Variants in SERPINA3 observed in about 807,000 individuals in gnomAD.
SERPINA3 encodes the protein alpha-1-antichymotrypsin.
In SERPINA3, 32 loss-of-function variants were observed where a neutral mutation model predicts 26.8. That is an observed-to-expected ratio of 1.20 (90% CI 0.90 to 1.61). The LOEUF (loss-of-function observed/expected upper bound fraction) is 1.61, where lower values mean the gene tolerates loss of function less well. Ranked by LOEUF, SERPINA3 falls within the 40% of genes most tolerant of loss-of-function variation. The probability of loss-of-function intolerance (pLI) is 0.00; values close to 1 mark genes in which losing one functional copy is unlikely to be tolerated. For synonymous variants in SERPINA3, 252 were observed against 206.4 expected (o/e 1.22, Z -1.89); for missense variants, 632 against 517.9 (o/e 1.22, Z -2.14).
At chr14:94,622,171 T>G (rs1389082266) in intron 3 of SERPINA3, among the ~76,000 whole-genome samples, 170 bp from the exon 4 acceptor site, 1 of 152,110 alleles carries the variant, frequency 6.6e-6, no homozygotes, top group Middle Eastern at 3.2e-3. Flanking sequence ...GAATAATTAA[T>G]GAATAAGAAG....
At position 94,613,945 on chromosome 14, in the gene SERPINA3, A is replaced by G. The variant is rs371224882; in HGVS notation, c.-8-489A>G. 70 of 170,028 alleles carry G rather than the reference A, an allele frequency of 4.1e-4. 1 individual carries two copies. In the South Asian group the frequency reaches 5.9e-3, roughly 14 times the overall value. 10.5% of individuals were successfully genotyped at this position (170,028 alleles called of 1,614,324 possible). A position where few individuals can be genotyped will look rare whatever the true frequency, so the allele number is the denominator to read the frequency against. ...GGCTGGGAGAGTCACTGTGGCCTCTATCTCTGCCCAGGGCTCCTTCATCCC... is the reference window on the plus strand; with the variant it reads ...GGCTGGGAGAGTCACTGTGGCCTCTGTCTCTGCCCAGGGCTCCTTCATCCC... On this transcript the variant is annotated intron_variant, in intron 1 of 4. Coordinates refer to ENST00000393078, the MANE Select transcript of SERPINA3 (RefSeq NM_001085.5).
At chr14:94,621,253 G>A (rs189930466) in intron 3 of SERPINA3, among the ~76,000 whole-genome samples, 68 of 152,262 alleles carry the variant, frequency 4.5e-4, no homozygotes, top group South Asian at 2.5e-3. Context: ...GCACCTAATA[G>A]CCACCAGGGA....
Position 94,619,348 on chromosome 14 carries a change from T to A in SERPINA3, c.797T>A (p.Leu266Gln). The A allele has an allele frequency of 6.2e-7, 1 of 1,614,204 alleles. No homozygotes were observed. The highest frequency in any genetic ancestry group is 1.1e-5 in the South Asian group (1 of 91,082). ...DEELSCTVVE[L>Q]KYTGNASALF... ...GAGCTGTCCTGCACCGTGGTGGAGC[T>A]GAAGTACACAGGCAATGCCAGCGCA... is the stretch of plus-strand genomic sequence containing the variant. Residue 266 changes from leucine to glutamine, a missense_variant, in exon 3 of 5, where the codon CTG becomes CAG. Leu to Gln is a moderately radical substitution (Grantham distance 113). Coordinates refer to ENST00000393078, the MANE Select transcript of SERPINA3 (RefSeq NM_001085.5).
rs762126023 is a variant in SERPINA3 at position 94,623,668 on chromosome 14, A to AC, written c.1127dup (p.Ala377SerfsTer59). ...GGAGGGCACAGAAGCATCTGCTGCC[A>AC]CAGCAGTCAAAATCACCCTCCTTTC... On this transcript the variant is annotated frameshift_variant, in exon 5 of 5. Coordinates refer to ENST00000393078, the MANE Select transcript of SERPINA3 (RefSeq NM_001085.5). LOFTEE classifies it low-confidence loss of function (END_TRUNC). The AC allele has an allele frequency of 6.2e-7, 1 of 1,614,192 alleles. No individual in the cohort carries two copies. The highest frequency in any genetic ancestry group is 1.3e-5 in the African/African-American group (1 of 75,050).
chr14:94,621,470 CAG>C (rs1886198863), intron 3 of SERPINA3, among the ~76,000 whole-genome samples: 1 of 152,114 alleles, frequency 6.6e-6, no homozygotes, highest in South Asian at 2.1e-4. Context: ...TCAGGGGACT[CAG>C]AGTTTAATGG....
chr14:94,623,188 A>C (rs1201713948), intron 4 of SERPINA3, among the ~76,000 whole-genome samples: 3 of 152,248 alleles, frequency 2.0e-5, no homozygotes. Flanking sequence ...GCTGAAAGCC[A>C]TGCTGGCTTG....
chr14:94,614,786 T>G lies in SERPINA3; in HGVS notation c.345T>G (p.Ile115Met), dbSNP rs1885924340. Residue 115 changes from isoleucine (I) to methionine (M), a missense_variant, in exon 2 of 5, where the codon ATT (isoleucine) becomes ATG (methionine). Physicochemically the swap from Ile to Met is conservative, Grantham distance 10. Coordinates refer to ENST00000393078, the MANE Select transcript of SERPINA3 (RefSeq NM_001085.5). ...FNLTETSEAE[I>M]HQSFQHLLRT... ...TCACGGAGACTTCTGAGGCAGAAAT[T>G]CACCAGAGCTTCCAGCACCTCCTGC... 1 of 1,614,010 alleles carries G rather than the reference T, an allele frequency of 6.2e-7. No individual in the cohort carries two copies.
rs528282314 is a variant in SERPINA3, at chr14:94,619,851, A to T, written c.917+383A>T. ...CTGAGAATCAGTTCTGCACTGGTGA[A>T]CCACTGTATTTATTCATTCTCTCAG... On this transcript the variant is annotated intron_variant, in intron 3 of 4. Coordinates refer to ENST00000393078, the MANE Select transcript of SERPINA3 (RefSeq NM_001085.5). 1.3e-5 allele frequency: 4 copies of T among 296,580 alleles called. No homozygotes were observed. The South Asian group carries it at 1.4e-4, about 11-fold the overall frequency. The allele number at this position is 296,580 out of a possible 1,614,324, so 18.4% of individuals were successfully genotyped here.
chr14:94,621,381 A>T (rs1389932053), intron 3 of SERPINA3, among the ~76,000 whole-genome samples: 1 of 151,612 alleles, frequency 6.6e-6, no homozygotes. Context: ...CTCAATAGAT[A>T]CTTGTTGAAT....
chr14:94,620,341 G>T lies in SERPINA3; in HGVS notation c.917+873G>T, dbSNP rs554898456. On this transcript the variant is annotated intron_variant, in intron 3 of 4. Coordinates refer to ENST00000393078, the MANE Select transcript of SERPINA3 (RefSeq NM_001085.5). ...CACTTCCTCCATCTTGTCTTGATCA[G>T]GGAGGATGAAGAGTGCGCTGGCATT... Among the ~76,000 whole-genome samples, 6 of 152,306 alleles carry T rather than the reference G, an allele frequency of 3.9e-5. No homozygotes were observed. The East Asian group carries it at 1.2e-3, about 29-fold the overall frequency.
chr14:94,622,356 C>G lies in SERPINA3; in HGVS notation c.933C>G (p.Leu311=). 1 of 1,614,012 alleles carries G rather than the reference C, an allele frequency of 6.2e-7. No individual in the cohort carries two copies. The highest frequency in any genetic ancestry group is 8.5e-7 in the Non-Finnish European group (1 of 1,180,024). Residue 311 remains leucine, a synonymous_variant, in exon 4 of 5, where the codon CTC becomes CTG. Coordinates refer to ENST00000393078, the MANE Select transcript of SERPINA3 (RefSeq NM_001085.5). ...DSLEFREIGE[L]YLPKFSISRD... is the part of the protein sequence containing the mutation. ...CGTTTTCTAGAGAGATAGGTGAGCT[C>G]TACCTGCCAAAGTTTTCCATCTCGA...
chr14:94,615,035 C>G lies in SERPINA3; in HGVS notation c.594C>G (p.Asp198Glu). The change falls in exon 2 of 5, where the codon GAC becomes GAG. Residue 198 changes from aspartate (D) to glutamate (E), a missense_variant. Transcript: ENST00000393078. Reference sequence around the variant, plus strand: ...GGAAAATCACAGATCTGATCAAGGACCTTGACTCGCAGACAATGATGGTCC... The same window carrying G: ...GGAAAATCACAGATCTGATCAAGGAGCTTGACTCGCAGACAATGATGGTCC... ...TRGKITDLIKDLDSQTMMVLV... is the reference protein window; with the variant it reads ...TRGKITDLIKELDSQTMMVLV... 1.9e-6 allele frequency: 3 copies of G among 1,614,200 alleles called. No homozygotes were observed. The highest frequency in any genetic ancestry group is 2.5e-6 in the Non-Finnish European group (3 of 1,180,020).
rs111299543 is a variant in SERPINA3 at position 94,619,469 on chromosome 14, G to A, written c.917+1G>A. 9.3e-6 allele frequency: 15 copies of A among 1,613,852 alleles called. No homozygotes were observed. Among genetic ancestry groups the A allele is most frequent in the Admixed American group, 5.0e-5 (3 of 59,988 alleles). ...GGTGGAGAGACTCTCTGGAGTTCAGGTGATTCTTCCTGGCCCCCAAAGACC... is the reference window on the plus strand; with the variant it reads ...GGTGGAGAGACTCTCTGGAGTTCAGATGATTCTTCCTGGCCCCCAAAGACC... On this transcript the variant is annotated splice_donor_variant, in intron 3 of 4. Coordinates refer to ENST00000393078, the MANE Select transcript of SERPINA3 (RefSeq NM_001085.5). LOFTEE classifies it high-confidence loss of function.
At chr14:94,622,894 G>A (rs1886257842) in intron 4 of SERPINA3, 1 of 314,472 alleles carries the variant, frequency 3.2e-6, no homozygotes, top group African/African-American at 2.1e-5. Flanking sequence ...TGATTATCTG[G>A]CAATTGTAAT....
intron 4 of SERPINA3, chr14:94,622,707 A>T (rs1368647233): frequency 5.0e-6 from 3 of 605,520 alleles, no homozygotes; most frequent in African/African-American, 1.8e-5. Context: ...ACATAATGTC[A>T]TCCAGGCTTG....
chr14:94,612,654 C>T (rs1009334882), intron 1 of SERPINA3, among the ~76,000 whole-genome samples: 1 of 152,234 alleles, frequency 6.6e-6, no homozygotes, highest in Non-Finnish European at 1.5e-5. Flanking sequence ...TGGGTTTTCA[C>T]ACCTGCAAAG....
rs1167593319 is a variant in SERPINA3, at chr14:94,622,469, C to A, written c.1046C>A (p.Ala349Asp). ...GCTGACCTGTCAGGGATCACAGGGG[C>A]CAGGAACCTAGCAGTCTCCCAGGTG... The part of the protein sequence containing the change: ...SKADLSGITG[A>D]RNLAVSQVVH... The change falls in exon 4 of 5, where the codon GCC becomes GAC. Residue 349 changes from alanine (A) to aspartate (D), a missense_variant. Coordinates refer to ENST00000393078, the MANE Select transcript of SERPINA3 (RefSeq NM_001085.5). The A allele has an allele frequency of 1.2e-6, 2 of 1,614,116 alleles. No individual in the cohort carries two copies. The highest frequency in any genetic ancestry group is 1.7e-6 in the Non-Finnish European group (2 of 1,180,026).
chr14:94,619,436 C>G lies in SERPINA3; in HGVS notation c.885C>G (p.Thr295=), dbSNP rs368183583. 4 of 1,614,136 alleles carry G rather than the reference C, an allele frequency of 2.5e-6. No individual in the cohort carries two copies. The highest frequency in any genetic ancestry group is 2.5e-6 in the Non-Finnish European group (3 of 1,180,038). ...TGGAAGCCATGCTGCTCCCAGAGAC[C>G]CTGAAGCGGTGGAGAGACTCTCTGG... The part of the protein sequence containing the change: ...EEVEAMLLPE[T]LKRWRDSLEF... The change falls in exon 3 of 5, where the codon ACC becomes ACG. Residue 295 remains threonine (T), a synonymous_variant. Transcript: ENST00000393078.
At chr14:94,620,035 A>G (rs1886142939) in intron 3 of SERPINA3, 4 of 244,758 alleles carry the variant, frequency 1.6e-5, no homozygotes, top group Admixed American at 5.0e-5. Flanking sequence ...CAAATAAGTT[A>G]CGTGATATAT....
Sources: allele counts gnomAD v4.1 joint callset (sites outside exome capture counted in the v4.1 genomes callset), GRCh38; gene constraint gnomAD v4.1.1; transcripts MANE v1.5; gene names NCBI Gene and HGNC (gene_info 2026-07-23, HGNC 2026-07-21).